The following CDKL5 variants were observed in gnomAD, a reference collection of about 807,000 sequenced individuals.
CDKL5 encodes the protein cyclin-dependent kinase-like 5.
Under a neutral mutation model 61.7 loss-of-function variants are expected in CDKL5, and 8 were observed. The observed-to-expected ratio is 0.13, with a 90% CI of 0.08 to 0.23. The LOEUF is 0.23. Among genes scored for constraint, CDKL5 ranks in the 10% least tolerant of loss-of-function variants. CDKL5 has a pLI of 1.00. For synonymous variants in CDKL5, 275 were observed against 272.3 expected, an observed-to-expected ratio of 1.01 and a Z score of -0.10; for missense variants, 440 against 734.5, an observed-to-expected ratio of 0.60 and a Z score of 4.63.
chrX:18,641,482 CCACCCAGT>C, downstream of CDKL5: 1 of 126,134 alleles, frequency 7.9e-6, no homozygotes, highest in East Asian at 2.2e-4. Context: ...CTCATCCCTG[CCACCCAGT>C]CACCCTTGAG....
At chrX:18,503,080 G>A (rs1355052129) in intron 1 of CDKL5, among the ~76,000 whole-genome samples, 6 of 112,405 alleles carry the variant, frequency 5.3e-5, no homozygotes, top group Non-Finnish European at 9.4e-5. Context: ...ACTTATTTAC[G>A]TGTTTTTTAA....
rs750878642 is a variant in CDKL5 at position 18,584,279 on chromosome X, G to C, written c.480G>C (p.Leu160=). The change falls in exon 8 of 18, where the codon CTG becomes CTC. Residue 160 remains leucine (L), a synonymous_variant. Coordinates refer to ENST00000623535, the MANE Select transcript of CDKL5 (RefSeq NM_001323289.2). ...ATCTTTCAGGTTTTGCTCGTAATCT[G>C]TCAGAAGGCAATAATGCTAATTACA... is the stretch of plus-strand genomic sequence containing the variant. ...KLCDFGFARN[L]SEGNNANYTE... The C allele has an allele frequency of 4.2e-6, 5 of 1,199,973 alleles. No individual in the cohort carries two copies. The highest frequency in any genetic ancestry group is 4.4e-5 in the Admixed American group (2 of 45,711).
At chrX:18,560,716 G>A (rs1924772311) in intron 3 of CDKL5, among the ~76,000 whole-genome samples, 1 of 110,106 alleles carries the variant, frequency 9.1e-6, no homozygotes, top group Non-Finnish European at 1.9e-5. Flanking sequence ...CAACGTTTAA[G>A]GTTGCTATAA....
intron 1 of CDKL5, among the ~76,000 whole-genome samples, chrX:18,481,519 A>C (rs1921574284): frequency 2.0e-5 from 2 of 100,935 alleles, no homozygotes; most frequent in East Asian, 3.7e-4. Context: ...CACCTGGCTA[A>C]TTTTTGTATT....
At chrX:18,649,158 C>T (rs1166532671) in intron 20 of CDKL5, among the ~76,000 whole-genome samples, 1 of 111,083 alleles carries the variant, frequency 9.0e-6, no homozygotes. Flanking sequence ...AATCAATAAG[C>T]CAGTATTTAG....
intron 3 of CDKL5, among the ~76,000 whole-genome samples, chrX:18,525,901 C>A (rs1052977128): frequency 9.1e-6 from 1 of 110,405 alleles, no homozygotes; most frequent in African/African-American, 3.3e-5. Flanking sequence ...CTCCCACCAC[C>A]ACGCCTGGCT....
At position 18,653,395 on chromosome X, in the gene CDKL5, G is replaced by A. The variant is rs757302280; in HGVS notation, c.2981-37G>A. ...AGTGCACCTGCTAGCGCTCCTGGCAGCTCTGAGTGACCCCGCTGTCCTTCT... is the reference window on the plus strand; with the variant it reads ...AGTGCACCTGCTAGCGCTCCTGGCAACTCTGAGTGACCCCGCTGTCCTTCT... On this transcript the variant is annotated intron_variant, in intron 21 of 21. Coordinates refer to the CDKL5 transcript ENST00000379989. 34 of 1,202,990 alleles carry A rather than the reference G, an allele frequency of 2.8e-5. No homozygotes were observed. In the South Asian group the frequency reaches 5.2e-4, roughly 18 times the overall value.
At chrX:18,455,682 C>T (rs762136341) in intron 1 of CDKL5, among the ~76,000 whole-genome samples, 3 of 112,752 alleles carry the variant, frequency 2.7e-5, no homozygotes, top group Non-Finnish European at 5.6e-5. Context: ...AATTCCATTT[C>T]CCATGAATAA....
chrX:18,573,058 C>G lies in CDKL5; in HGVS notation c.146-2296C>G. Among the ~76,000 whole-genome samples, 4 of 110,953 alleles carry G rather than the reference C, an allele frequency of 3.6e-5. No individual in the cohort carries two copies. In the South Asian group the frequency reaches 1.5e-3, roughly 43 times the overall value. The stretch of plus-strand genomic sequence containing the variant: ...CTGAAGGAGCAAGCCCTGTCAAGAG[C>G]CTATGTAGTAGACTGAGCATTGTAG... On this transcript the variant is annotated intron_variant, in intron 4 of 17. Coordinates refer to ENST00000623535, the MANE Select transcript of CDKL5 (RefSeq NM_001323289.2).
intron 10 of CDKL5, among the ~76,000 whole-genome samples, chrX:18,597,371 T>G (rs1306126603): frequency 9.1e-6 from 1 of 110,220 alleles, no homozygotes; most frequent in Non-Finnish European, 1.9e-5. Flanking sequence ...CATCTCATCC[T>G]GTCAGCCAAT....
At chrX:18,608,535 T>A (rs930428739) in intron 12 of CDKL5, among the ~76,000 whole-genome samples, 2 of 111,044 alleles carry the variant, frequency 1.8e-5, no homozygotes, top group Non-Finnish European at 3.8e-5. Flanking sequence ...AGAATGGTAA[T>A]TTTTTTTGTT....
intron 1 of CDKL5, among the ~76,000 whole-genome samples, chrX:18,482,046 C>T (rs1478370526): frequency 9.0e-6 from 1 of 111,578 alleles, no homozygotes; most frequent in Non-Finnish European, 1.9e-5. Flanking sequence ...ATTTTTCCAA[C>T]TTGGTCTTTT....
downstream of CDKL5, chrX:18,644,398 G>A (rs775838179): frequency 1.7e-6 from 2 of 1,191,439 alleles, no homozygotes; most frequent in East Asian, 3.0e-5. Flanking sequence ...GAGGGTGCGA[G>A]CTGAAGTTGG....
chrX:18,639,293 T>G lies in CDKL5; in HGVS notation c.*10536T>G, dbSNP rs772119713. Among the ~76,000 whole-genome samples the G allele has an allele frequency of 7.1e-5, 8 of 112,614 alleles. No individual in the cohort carries two copies. The highest frequency in any genetic ancestry group is 2.6e-4 in the African/African-American group (8 of 31,101). On this transcript the variant is annotated 3_prime_UTR_variant, in exon 18 of 18. Coordinates refer to ENST00000623535, the MANE Select transcript of CDKL5 (RefSeq NM_001323289.2). Reference sequence around the variant, plus strand: ...TTGCAAATCATATCCAATAAGGGAATTAGAATATACAAAGAATTCTTAAAC... The same window carrying G: ...TTGCAAATCATATCCAATAAGGGAAGTAGAATATACAAAGAATTCTTAAAC...
chrX:18,541,840 T>C (rs547457581), intron 3 of CDKL5, among the ~76,000 whole-genome samples: 4 of 111,294 alleles, frequency 3.6e-5, no homozygotes, highest in African/African-American at 1.3e-4. Context: ...TTTTTGTATC[T>C]TCTATTAATT....
At chrX:18,538,053 A>G (rs927472780) in intron 3 of CDKL5, among the ~76,000 whole-genome samples, 16 of 112,029 alleles carry the variant, frequency 1.4e-4, no homozygotes, top group African/African-American at 4.9e-4. Context: ...TTACCTTCCC[A>G]TCAGCAATGT....
chrX:18,537,073 A>G (rs1665263271), intron 3 of CDKL5, among the ~76,000 whole-genome samples: 1 of 109,706 alleles, frequency 9.1e-6, no homozygotes, highest in Non-Finnish European at 1.9e-5. Flanking sequence ...GAGAAGACAC[A>G]GACAACTTAA....
At chrX:18,542,258 T>C (rs1000743235) in intron 3 of CDKL5, among the ~76,000 whole-genome samples, 1 of 111,517 alleles carries the variant, frequency 9.0e-6, no homozygotes, top group Non-Finnish European at 1.9e-5. Flanking sequence ...CCACTGTGGC[T>C]GGAGGGCCAG....
chrX:18,641,116 G>C (rs139226936), downstream of CDKL5: 96 of 112,558 alleles, frequency 8.5e-4, no homozygotes, highest in African/African-American at 3.1e-3. Context: ...GGTAGCTCCT[G>C]GGCCAGCTGT....
Sources: allele counts gnomAD v4.1 joint callset (sites outside exome capture counted in the v4.1 genomes callset), GRCh38; gene constraint gnomAD v4.1.1; transcripts MANE v1.5; gene names NCBI Gene and HGNC (gene_info 2026-07-23, HGNC 2026-07-21).